Variants in CCDC3 observed in about 807,000 individuals in gnomAD.
CCDC3 encodes coiled-coil domain-containing protein 3.
CCDC3 carries 24 observed loss-of-function variants against 21.4 expected under a neutral mutation model. That is an observed-to-expected ratio of 1.12 (90% CI 0.81 to 1.58). The LOEUF (loss-of-function observed/expected upper bound fraction) is 1.58, where lower values mean the gene tolerates loss of function less well. Among genes scored for constraint, CCDC3 ranks in the 40% most tolerant of loss-of-function variants. CCDC3 has a pLI of 0.00. For synonymous variants in CCDC3, 186 were observed against 166.0 expected (o/e 1.12, Z -0.93); for missense variants, 425 against 360.9 (o/e 1.18, Z -1.44).
At chr10:12,954,413 G>C (rs183651302) in intron 2 of CCDC3, among the ~76,000 whole-genome samples, 1 of 152,164 alleles carries the variant, frequency 6.6e-6, no homozygotes, top group African/African-American at 2.4e-5. Flanking sequence ...TTGTCCATTT[G>C]TGTTGGTATA....
At chr10:12,967,824 T>G (rs980416781) in intron 2 of CCDC3, among the ~76,000 whole-genome samples, 3 of 152,078 alleles carry the variant, frequency 2.0e-5, no homozygotes, top group Non-Finnish European at 4.4e-5. Context: ...AGTTCTCTAA[T>G]CAGATTCAAT....
intron 3 of CCDC3, among the ~76,000 whole-genome samples, chr10:13,077,578 T>A (rs1836982333): frequency 6.6e-6 from 1 of 152,146 alleles, no homozygotes; most frequent in African/African-American, 2.4e-5. Context: ...AGAACAAAGC[T>A]GGAGGCATCA....
intron 2 of CCDC3, among the ~76,000 whole-genome samples, chr10:12,948,722 A>C (rs987055763): frequency 6.9e-5 from 9 of 130,738 alleles, no homozygotes; most frequent in Non-Finnish European, 1.3e-4. Flanking sequence ...CCTCATTTTT[A>C]AGGCAGTTTT....
intron 5 of CCDC3, among the ~76,000 whole-genome samples, chr10:13,017,722 A>T (rs11258129): frequency 0.022 from 3,330 of 152,094 alleles, 68 homozygotes; most frequent in Non-Finnish European, 0.026. Context: ...TCTTTCAACT[A>T]CCATGTGTTG....
At chr10:12,909,743 C>A (rs546976506) in intron 2 of CCDC3, among the ~76,000 whole-genome samples, 2 of 152,212 alleles carry the variant, frequency 1.3e-5, no homozygotes, top group East Asian at 1.9e-4. Context: ...CCTAGACAGG[C>A]ACTGACCCAA....
intron 2 of CCDC3, among the ~76,000 whole-genome samples, chr10:12,992,791 G>T (rs1392009466): frequency 6.6e-6 from 1 of 152,070 alleles, no homozygotes; most frequent in Non-Finnish European, 1.5e-5. Flanking sequence ...CTGTTCCCTA[G>T]AACTGACTGA....
chr10:13,005,486 TGAG>T (rs746694223), upstream of CCDC3, among the ~76,000 whole-genome samples: 3 of 152,322 alleles, frequency 2.0e-5, no homozygotes, highest in Non-Finnish European at 4.4e-5. Flanking sequence ...CAATTCATGA[TGAG>T]AAGTTCAGAT....
chr10:12,930,035 G>T (rs1228333174), intron 2 of CCDC3, among the ~76,000 whole-genome samples: 1 of 152,172 alleles, frequency 6.6e-6, no homozygotes, highest in Non-Finnish European at 1.5e-5. Context: ...TAAAATTGCA[G>T]TTCAGGCATC....
intron 2 of CCDC3, among the ~76,000 whole-genome samples, chr10:12,957,190 G>A (rs1450963361): frequency 6.6e-6 from 1 of 152,072 alleles, no homozygotes; most frequent in Admixed American, 6.6e-5. Context: ...CAACCCCCCT[G>A]GCCACTTTGT....
chr10:13,056,793 T>C (rs1270277082), intron 4 of CCDC3, among the ~76,000 whole-genome samples: 1 of 152,120 alleles, frequency 6.6e-6, no homozygotes, highest in African/African-American at 2.4e-5. Context: ...TTAGAGGAAA[T>C]TCATGCAGCA....
rs1322132507 is a variant in CCDC3, at chr10:12,919,659, G to T, written c.550-20980C>A. ...CTTTAAAGGGATTATCGGCTCCGGG[G>T]CTGTATTCCTCTTGCAGTCGCCTTG... On this transcript the variant is annotated intron_variant, in intron 2 of 2. Transcript: ENST00000378825. 3.9e-5 allele frequency among the ~76,000 whole-genome samples: 6 copies of T among 152,076 alleles called. No homozygotes were observed. The South Asian group carries it at 8.3e-4, about 21-fold the overall frequency.
chr10:13,088,092 G>A (rs1365983505), intron 3 of CCDC3, among the ~76,000 whole-genome samples: 1 of 152,134 alleles, frequency 6.6e-6, no homozygotes, highest in Non-Finnish European at 1.5e-5. Flanking sequence ...ATCCCCTTGG[G>A]GATGCAGTGA....
intron 4 of CCDC3, among the ~76,000 whole-genome samples, chr10:13,062,313 T>C (rs1212164125): frequency 6.6e-6 from 1 of 152,184 alleles, no homozygotes; most frequent in East Asian, 1.9e-4. Flanking sequence ...TTTGCAATGG[T>C]TGCTAGAAAG....
At chr10:13,022,830 G>C in intron 5 of CCDC3, among the ~76,000 whole-genome samples, 1 of 152,180 alleles carries the variant, frequency 6.6e-6, no homozygotes, top group East Asian at 1.9e-4. Flanking sequence ...TACTGTGAAA[G>C]AAATTATAAA....
intron 2 of CCDC3, among the ~76,000 whole-genome samples, chr10:12,956,563 A>G (rs1279084491): frequency 6.6e-6 from 1 of 152,140 alleles, no homozygotes; most frequent in Non-Finnish European, 1.5e-5. Flanking sequence ...ACTATATGAT[A>G]ATTAGGGAAA....
intron 2 of CCDC3, among the ~76,000 whole-genome samples, chr10:12,919,656 G>A (rs994625992): frequency 8.6e-5 from 13 of 151,450 alleles, no homozygotes; most frequent in Admixed American, 3.9e-4. Context: ...TATCGGCTCC[G>A]GGGCTGTATT....
At chr10:12,927,021 A>G (rs1459917915) in intron 2 of CCDC3, among the ~76,000 whole-genome samples, 1 of 152,244 alleles carries the variant, frequency 6.6e-6, no homozygotes, top group Non-Finnish European at 1.5e-5. Flanking sequence ...TTTTTAGAGT[A>G]GTATATTAGC....
chr10:13,075,857 T>A (rs1261032817), intron 3 of CCDC3, among the ~76,000 whole-genome samples: 1 of 152,112 alleles, frequency 6.6e-6, no homozygotes, highest in African/African-American at 2.4e-5. Context: ...GAGACCAGCC[T>A]GGCCAACATG....
intron 2 of CCDC3, among the ~76,000 whole-genome samples, chr10:12,974,860 C>G (rs1398955156): frequency 6.6e-6 from 1 of 152,208 alleles, no homozygotes; most frequent in Non-Finnish European, 1.5e-5. Flanking sequence ...ATATATTCCT[C>G]TGGTTTCATC....
Sources: allele counts gnomAD v4.1 joint callset (sites outside exome capture counted in the v4.1 genomes callset), GRCh38; gene constraint gnomAD v4.1.1; transcripts MANE v1.5; gene names NCBI Gene and HGNC (gene_info 2026-07-23, HGNC 2026-07-21).